DOK7: variants seen among roughly 807,000 people sequenced by gnomAD.
DOK7 encodes the protein protein Dok-7.
In DOK7, 32 loss-of-function variants were observed where a neutral mutation model predicts 30.7. The observed-to-expected ratio is 1.04, with a 90% CI of 0.79 to 1.40. The LOEUF is 1.40. DOK7 is among the 40% of genes most tolerant of loss of function. The pLI is 0.00. For missense variants in DOK7, 1,007 were observed against 699.2 expected, an observed-to-expected ratio of 1.44 and a Z score of -4.97; for synonymous variants, 447 against 324.1, an observed-to-expected ratio of 1.38 and a Z score of -4.07.
downstream of DOK7, among the ~76,000 whole-genome samples, chr4:3,497,868 G>A (rs889949533): frequency 2.0e-5 from 3 of 152,168 alleles, no homozygotes; most frequent in Non-Finnish European, 4.4e-5. Flanking sequence ...CAGAGGTGGT[G>A]GGGCCAGCCC....
At position 3,493,963 on chromosome 4, in the gene DOK7, G is replaced by A. The variant is rs956094623; in HGVS notation, c.*462G>A. 1.0e-6 allele frequency: 1 copy of A among 997,196 alleles called. No individual in the cohort carries two copies. Among genetic ancestry groups the A allele is most frequent in the African/African-American group, 1.7e-5 (1 of 57,312 alleles). The allele number at this position is 997,196 out of a possible 1,614,324, so 61.8% of individuals were successfully genotyped here. ...TGTTAAGCATCAAGCTACCACAGAGGCTCCGGCCACCTGGGCTCCACCAGC... is the reference window on the plus strand; with the variant it reads ...TGTTAAGCATCAAGCTACCACAGAGACTCCGGCCACCTGGGCTCCACCAGC... On this transcript the variant is annotated 3_prime_UTR_variant, in exon 7 of 7. Coordinates refer to ENST00000340083, the MANE Select transcript of DOK7 (RefSeq NM_173660.5).
At chr4:3,485,226 C>CGGCTGCA (rs780853088) in intron 4 of DOK7, 2 of 296,136 alleles carry the variant, frequency 6.8e-6, no homozygotes, top group Non-Finnish European at 1.2e-5. Flanking sequence ...CATGCCCTGT[C>CGGCTGCA]GGCTGCAGGA....
intron 2 of DOK7, among the ~76,000 whole-genome samples, chr4:3,471,009 C>A (rs893942487): frequency 8.5e-5 from 13 of 152,198 alleles, no homozygotes; most frequent in Admixed American, 5.9e-4. Context: ...GGGTGATCAG[C>A]CCACCAAGGC....
At chr4:3,468,638 CTG>C (rs747194748) in intron 2 of DOK7, among the ~76,000 whole-genome samples, 72 of 132,400 alleles carry the variant, frequency 5.4e-4, no homozygotes, top group East Asian at 1.9e-3. Flanking sequence ...GTGTATATGC[CTG>C]TGTGTGTGCA....
intron 5 of DOK7, among the ~76,000 whole-genome samples, chr4:3,486,703 TGCAGGTGTCTTCCTGCCTAGTGGATGCAC>T (rs1560221578): frequency 2.5e-4 from 22 of 88,074 alleles, no homozygotes; most frequent in African/African-American, 7.8e-4. Flanking sequence ...GATGCACCCC[TGCAGGTGTCTTCCTGCCTAGTGGATGCAC>T]CCCTGCAGGT....
rs1351379585 is a variant in DOK7, at chr4:3,473,656, G to A, written c.331+20G>A. ...GCGAGGGTGAGTGACGGGGGCCGGG[G>A]CCGGGCGGGGGCTCCCCGTTCAGGT... On this transcript the variant is annotated intron_variant, in intron 3 of 6. Coordinates refer to ENST00000340083, the MANE Select transcript of DOK7 (RefSeq NM_173660.5). The A allele has an allele frequency of 4.6e-6, 7 of 1,526,568 alleles. No homozygotes were observed. The highest frequency in any genetic ancestry group is 4.1e-5 in the African/African-American group (3 of 72,778). 94.6% of individuals were successfully genotyped at this position (1,526,568 alleles called of 1,614,324 possible).
At chr4:3,500,869 G>T in exon 8 of DOK7, 1 of 1,481,518 alleles carries the variant, frequency 6.7e-7, no homozygotes, top group Non-Finnish European at 8.9e-7. Flanking sequence ...TGCGCTGTGC[G>T]GCCCCGTGGC....
chr4:3,485,159 A>T (rs2109368265), intron 4 of DOK7, among the ~76,000 whole-genome samples: 1 of 152,296 alleles, frequency 6.6e-6, no homozygotes, highest in Non-Finnish European at 1.5e-5. Flanking sequence ...CCCGGAAGGC[A>T]GGTATGTGGG....
chr4:3,496,338 G>A (rs539289454), downstream of DOK7, among the ~76,000 whole-genome samples: 9 of 152,370 alleles, frequency 5.9e-5, no homozygotes, highest in Admixed American at 1.3e-4. Flanking sequence ...ACCCCCCTGC[G>A]GAGCCTTCCC....
intron 6 of DOK7, 64 bp downstream of exon 6, chr4:3,489,860 A>T (rs1728085967): frequency 1.9e-6 from 3 of 1,542,742 alleles, no homozygotes; most frequent in Non-Finnish European, 2.6e-6. Context: ...AGAGCTCAGG[A>T]GGCATCCATG....
chr4:3,471,418 C>T (rs1191649297), intron 2 of DOK7, among the ~76,000 whole-genome samples: 2 of 152,184 alleles, frequency 1.3e-5, no homozygotes, highest in African/African-American at 2.4e-5. Context: ...CTGTATGGTG[C>T]GTGATTATCC....
At chr4:3,478,520 ACC>A (rs753032875) in intron 4 of DOK7, among the ~76,000 whole-genome samples, 15,018 of 84,998 alleles carry the variant, frequency 0.18, 944 homozygotes, top group African/African-American at 0.24. Context: ...GAACCTGAAA[ACC>A]TGCAAACCGG....
At chr4:3,500,033 C>T (rs529310716) in intron 6 of DOK7, among the ~76,000 whole-genome samples, 2 of 143,892 alleles carry the variant, frequency 1.4e-5, no homozygotes, top group East Asian at 2.3e-4. Context: ...TCTGTGGGTA[C>T]TTGGACCAGG....
intron 4 of DOK7, among the ~76,000 whole-genome samples, chr4:3,478,209 G>A (rs1727222732): frequency 6.6e-6 from 1 of 152,206 alleles, no homozygotes; most frequent in African/African-American, 2.4e-5. Flanking sequence ...AGGAGGACCC[G>A]TTTCCTTGGA....
intron 3 of DOK7, among the ~76,000 whole-genome samples, chr4:3,474,817 A>G (rs776375652): frequency 2.0e-5 from 3 of 150,266 alleles, no homozygotes; most frequent in Non-Finnish European, 4.4e-5. Flanking sequence ...GTAGGACTCC[A>G]TCTCAAAAAA....
chr4:3,485,501 T>C (rs759027234), intron 4 of DOK7, 38 bp from the exon 5 acceptor site: 2 of 1,499,300 alleles, frequency 1.3e-6, no homozygotes, highest in East Asian at 2.6e-5. Flanking sequence ...CAGCCCGCCC[T>C]CGGGCCAGAC....
Position 3,473,475 on chromosome 4 carries a change from TGACGCTAGAGGA to T in DOK7, c.171_182del (p.Thr58_Asp61del). Reference sequence around the variant, plus strand: ...AAGGGCCTGCGGGAGCGCAGCAGCCTGACGCTAGAGGACATCTGCGGGCTGGAGCCCGGCCTG... The same window carrying T: ...AAGGGCCTGCGGGAGCGCAGCAGCCTCATCTGCGGGCTGGAGCCCGGCCTG... On this transcript the variant is annotated inframe_deletion, in exon 3 of 7. Transcript: ENST00000340083. 1 of 1,611,156 alleles carries T rather than the reference TGACGCTAGAGGA, an allele frequency of 6.2e-7. No homozygotes were observed. Among genetic ancestry groups the T allele is most frequent in the Non-Finnish European group, 8.5e-7 (1 of 1,179,768 alleles).
At chr4:3,491,213 ATTCCTTCCTTCTCCCGCTGCTCT>A (rs1560228942) in intron 6 of DOK7, among the ~76,000 whole-genome samples, 1 of 55,722 alleles carries the variant, frequency 1.8e-5, no homozygotes, top group African/African-American at 7.6e-5. Flanking sequence ...CCCCCTGCTC[ATTCCTTCCTTCTCCCGCTGCTCT>A]TTCATTCCTT....
At chr4:3,490,472 C>CATTCATT (rs1728246742) in intron 6 of DOK7, among the ~76,000 whole-genome samples, 1 of 121,540 alleles carries the variant, frequency 8.2e-6, no homozygotes, top group Non-Finnish European at 1.7e-5. Flanking sequence ...CCTTTCTTCT[C>CATTCATT]CCTCTGCTCA....
Sources: allele counts gnomAD v4.1 joint callset (sites outside exome capture counted in the v4.1 genomes callset), GRCh38; gene constraint gnomAD v4.1.1; transcripts MANE v1.5; gene names NCBI Gene and HGNC (gene_info 2026-07-23, HGNC 2026-07-21).